CCDC14: variants seen among roughly 807,000 people sequenced by gnomAD.
The protein encoded by CCDC14 is coiled-coil domain containing 14, also known as coiled-coil domain-containing protein 14.
In CCDC14, 71 loss-of-function variants were observed where a neutral mutation model predicts 81.4. The ratio of observed to expected loss-of-function variants is 0.87; its 90% confidence interval spans 0.72 to 1.06. The LOEUF (loss-of-function observed/expected upper bound fraction) is 1.06, where lower values mean the gene tolerates loss of function less well. Ranked by LOEUF, CCDC14 falls within the 50% of genes least tolerant of loss-of-function variation. The pLI, the probability that CCDC14 is intolerant of heterozygous loss-of-function variation, is 0.00. For missense variants in CCDC14, 1,046 were observed against 1,047.3 expected (o/e 1.00, Z 0.02); for synonymous variants, 332 against 364.8 (o/e 0.91, Z 1.03).
At chr3:123,901,606 C>T (rs73857550) in intron 5 of CCDC14, among the ~76,000 whole-genome samples, 57 of 152,072 alleles carry the variant, frequency 3.7e-4, no homozygotes, top group African/African-American at 1.3e-3. Flanking sequence ...TATATGTACA[C>T]ACTATGGTTA....
Position 123,948,898 on chromosome 3 carries a change from G to C in CCDC14, c.587C>G (p.Ser196Cys). Residue 196 changes from serine to cysteine, a missense_variant and splice_region_variant, in exon 6 of 13, where the codon TCT becomes TGT. Transcript: ENST00000409697. ...PAVPCHAPSH[S>C]ESQATPHSSY... ...TTTTAAACAGCATTCGTACTCACCA[G>C]AATGAGAGGGAGCATGGCATGGTAC... 1 of 1,611,828 alleles carries C rather than the reference G, an allele frequency of 6.2e-7. No individual in the cohort carries two copies. Among genetic ancestry groups the C allele is most frequent in the Non-Finnish European group, 8.5e-7 (1 of 1,178,108 alleles).
At chr3:123,938,924 A>G (rs1257799016) in intron 9 of CCDC14, among the ~76,000 whole-genome samples, 2 of 151,956 alleles carry the variant, frequency 1.3e-5, no homozygotes, top group African/African-American at 4.8e-5. Context: ...TTTGGAATTC[A>G]TATTGTCAAG....
intron 5 of CCDC14, chr3:123,949,702 C>T (rs1334991458): frequency 6.5e-6 from 1 of 153,486 alleles, no homozygotes; most frequent in Non-Finnish European, 1.4e-5. Context: ...AGTTACCCAA[C>T]AAGCTTTTCT....
chr3:123,897,531 T>A (rs1344640079), exon 6 of CCDC14: 1 of 900,346 alleles, frequency 1.1e-6, no homozygotes, highest in Non-Finnish European at 1.5e-6. Context: ...TTCAGAGCAG[T>A]TCTGCTTTTC....
Position 123,897,536 on chromosome 3 carries a change from CT to C in CCDC14, c.744del (p.Ser249AlafsTer5). 2.0e-6 allele frequency: 2 copies of C among 976,280 alleles called. No individual in the cohort carries two copies. The highest frequency in any genetic ancestry group is 1.7e-5 in the South Asian group (1 of 60,208). The allele number at this position is 976,280 out of a possible 1,614,324, so 60.5% of individuals were successfully genotyped here. ...CTCTTCCTTGTTCAGAGCAGTTCTG[CT>C]TTTCCGTAGTTCATGTACTGTATTG... is the stretch of plus-strand genomic sequence containing the variant. On this transcript the variant is annotated frameshift_variant, in exon 6 of 6. Coordinates refer to the CCDC14 transcript ENST00000479903. LOFTEE classifies it high-confidence loss of function.
intron 12 of CCDC14, among the ~76,000 whole-genome samples, chr3:123,921,736 T>C (rs1490140904): frequency 6.6e-6 from 1 of 152,164 alleles, no homozygotes; most frequent in Non-Finnish European, 1.5e-5. Context: ...TAACGACAGC[T>C]GATGAGCTTA....
chr3:123,945,274 G>A (rs540637107), intron 8 of CCDC14, among the ~76,000 whole-genome samples: 45 of 151,748 alleles, frequency 3.0e-4, no homozygotes, highest in African/African-American at 1.0e-3. Flanking sequence ...CAAGAGTCAA[G>A]TAGGAATGTG....
At chr3:123,904,097 G>A (rs1284122092) in intron 5 of CCDC14, among the ~76,000 whole-genome samples, 1 of 151,932 alleles carries the variant, frequency 6.6e-6, no homozygotes, top group African/African-American at 2.4e-5. Context: ...AATGAATTAC[G>A]CATTATATAA....
At chr3:123,929,555 G>A (rs1040214969) in intron 12 of CCDC14, among the ~76,000 whole-genome samples, 2 of 151,966 alleles carry the variant, frequency 1.3e-5, no homozygotes, top group African/African-American at 4.8e-5. Flanking sequence ...CACCCACCTC[G>A]GCCTCCCAAA....
chr3:123,911,492 C>T (rs1216221691), downstream of CCDC14, among the ~76,000 whole-genome samples: 2 of 152,064 alleles, frequency 1.3e-5, no homozygotes, highest in Admixed American at 1.3e-4. Context: ...AATTCTGGAC[C>T]CTTAAACATT....
At chr3:123,934,075 C>T (rs1478275895) in intron 9 of CCDC14, among the ~76,000 whole-genome samples, 2 of 152,022 alleles carry the variant, frequency 1.3e-5, no homozygotes, top group Admixed American at 1.3e-4. Context: ...GAGTTTGAGA[C>T]TAGCCTGGCC....
At position 123,913,971 on chromosome 3, in the gene CCDC14, A is replaced by T; in HGVS notation, c.*808T>A. The T allele has an allele frequency of 2.0e-6, 2 of 985,636 alleles. No individual in the cohort carries two copies. The highest frequency in any genetic ancestry group is 2.4e-6 in the Non-Finnish European group (2 of 829,764). 61.1% of individuals were successfully genotyped at this position (985,636 alleles called of 1,614,324 possible). A position where few individuals can be genotyped will look rare whatever the true frequency, so the allele number is the denominator to read the frequency against. On this transcript the variant is annotated 3_prime_UTR_variant, in exon 13 of 13. Coordinates refer to ENST00000409697, the MANE Select transcript of CCDC14 (RefSeq NM_001366335.1). Reference sequence around the variant, plus strand: ...CTCAGCTAACATGCTGGGAGAAAAAATTCTTCCAAAAAGGCAGAATTACAA... The same window carrying T: ...CTCAGCTAACATGCTGGGAGAAAAATTTCTTCCAAAAAGGCAGAATTACAA...
chr3:123,954,959 A>C (rs1192717053), intron 5 of CCDC14: 3 of 152,170 alleles, frequency 2.0e-5, no homozygotes, highest in Non-Finnish European at 4.4e-5. Flanking sequence ...ACTGGCCTCC[A>C]AGATGAGTTA....
chr3:123,896,637 G>A (rs372343471), downstream of CCDC14, among the ~76,000 whole-genome samples: 12 of 152,208 alleles, frequency 7.9e-5, no homozygotes, highest in Non-Finnish European at 1.2e-4. Context: ...GCTACTAGAC[G>A]CTGGTGGGGG....
chr3:123,916,467 T>TG (rs1491188873), intron 12 of CCDC14, among the ~76,000 whole-genome samples: 11,183 of 113,938 alleles, frequency 0.098, 1,091 homozygotes, highest in East Asian at 0.4. Flanking sequence ...TATATATGTG[T>TG]TTGTGTGTGT....
At chr3:123,957,153 TACC>T (rs1254077585) in intron 1 of CCDC14, 1 of 155,112 alleles carries the variant, frequency 6.4e-6, no homozygotes, top group Non-Finnish European at 1.4e-5. Flanking sequence ...TATATGTATG[TACC>T]ACATTATTCA....
At chr3:123,898,877 T>G (rs2700365) in intron 5 of CCDC14, among the ~76,000 whole-genome samples, 21,175 of 107,678 alleles carry the variant, frequency 0.2, 2,822 homozygotes, top group East Asian at 0.58. Context: ...TTTTTGTTTG[T>G]TTGGTTGTTT....
intron 5 of CCDC14, among the ~76,000 whole-genome samples, chr3:123,900,304 A>G (rs2034153721): frequency 6.6e-6 from 1 of 152,224 alleles, no homozygotes; most frequent in South Asian, 2.1e-4. Context: ...GGTCTCCCAC[A>G]CACCCATGTA....
intron 12 of CCDC14, among the ~76,000 whole-genome samples, chr3:123,916,596 A>G (rs866310061): frequency 1.1e-4 from 17 of 152,258 alleles, no homozygotes; most frequent in Admixed American, 5.9e-4. Context: ...CGAAAACCAC[A>G]GAAGGTTTGA....
Sources: gnomAD v4.1 joint callset for allele counts (sites outside exome capture counted in the v4.1 genomes callset) on GRCh38, gnomAD v4.1.1 for gene constraint, MANE v1.5 for transcripts, NCBI Gene and HGNC (gene_info 2026-07-23, HGNC 2026-07-21) for gene names.